The following DNMT3A variants were observed in gnomAD, a reference collection of about 807,000 sequenced individuals.
DNMT3A encodes DNA (cytosine-5)-methyltransferase 3A.
DNMT3A carries 267 observed loss-of-function variants against 117.6 expected under a neutral mutation model. The ratio of observed to expected loss-of-function variants is 2.27; its 90% confidence interval spans 2.05 to 2.51. The LOEUF (loss-of-function observed/expected upper bound fraction) is 2.51, where lower values mean the gene tolerates loss of function less well. DNMT3A is among the 30% of genes most tolerant of loss of function. DNMT3A has a pLI of 0.00. For synonymous variants in DNMT3A, 432 were observed against 474.8 expected (o/e 0.91, Z 1.17); for missense variants, 1,029 against 1,260.2 (o/e 0.82, Z 2.78).
intron 1 of DNMT3A, among the ~76,000 whole-genome samples, chr2:25,326,289 A>T (rs1328969357): frequency 6.6e-6 from 1 of 151,970 alleles, no homozygotes; most frequent in Non-Finnish European, 1.5e-5. Context: ...TGACTTTGAG[A>T]AGTTATTGTA....
intron 1 of DNMT3A, among the ~76,000 whole-genome samples, chr2:25,335,654 C>G (rs956291651): frequency 2.6e-5 from 4 of 152,180 alleles, no homozygotes; most frequent in African/African-American, 9.7e-5. Flanking sequence ...GTAAGAAGAG[C>G]ATTAGACTAG....
chr2:25,312,907 G>A (rs1164035531), intron 2 of DNMT3A, among the ~76,000 whole-genome samples: 1 of 152,142 alleles, frequency 6.6e-6, no homozygotes, highest in Admixed American at 6.5e-5. Context: ...GTGCCCCCAT[G>A]AGCATGCCCA....
intron 6 of DNMT3A, among the ~76,000 whole-genome samples, chr2:25,262,188 CAAAAAAAAA>C (rs533414494): frequency 1.1e-5 from 1 of 93,746 alleles, no homozygotes; most frequent in Non-Finnish European, 2.1e-5. Flanking sequence ...GACTCCGTCT[CAAAAAAAAA>C]AAAAAAAAAA....
intron 6 of DNMT3A, among the ~76,000 whole-genome samples, chr2:25,264,645 G>A (rs1573384251): frequency 6.6e-6 from 1 of 151,720 alleles, no homozygotes; most frequent in East Asian, 1.9e-4. Context: ...TGTATTTTTA[G>A]TAGAGAGGGG....
intron 1 of DNMT3A, among the ~76,000 whole-genome samples, chr2:25,322,838 C>T (rs1489003620): frequency 6.6e-6 from 1 of 152,124 alleles, no homozygotes; most frequent in Non-Finnish European, 1.5e-5. Flanking sequence ...AAACCTAAAT[C>T]CTCACTCCAC....
chr2:25,238,715 C>T (rs578235254), intron 20 of DNMT3A, among the ~76,000 whole-genome samples: 2 of 152,250 alleles, frequency 1.3e-5, no homozygotes, highest in South Asian at 4.1e-4. Context: ...TGCATGCAGC[C>T]GCTGCAAGAT....
chr2:25,264,163 AAGGTCTCGCTCTGTCGCCC>A (rs1451674088), intron 6 of DNMT3A, among the ~76,000 whole-genome samples: 6 of 34,910 alleles, frequency 1.7e-4, no homozygotes, highest in Non-Finnish European at 3.9e-4. Flanking sequence ...TTTTTGAGAC[AAGGTCTCGCTCTGTCGCCC>A]AGGCTGGAGT....
rs1431663821 is a variant in DNMT3A, at chr2:25,311,614, G to C, written c.72+2299C>G. On this transcript the variant is annotated intron_variant, in intron 2 of 22. Coordinates refer to ENST00000321117, the MANE Select transcript of DNMT3A (RefSeq NM_022552.5). This position sits in a 1 kb window ranked among gnomAD's most constrained non-coding sequence, Gnocchi z 5.2. ...GGGATCTAGGGCTGGGTGTGTGTTT[G>C]TTGCCGCTTGAGCCAGAGCAGTTAC... Among the ~76,000 whole-genome samples the C allele has an allele frequency of 6.6e-6, 1 of 152,188 alleles. No individual in the cohort carries two copies. The highest frequency in any genetic ancestry group is 1.5e-5 in the Non-Finnish European group (1 of 68,036).
Position 25,248,202 on chromosome 2 carries a change from GT to G in DNMT3A, c.689del (p.Asn230ThrfsTer86). On this transcript the variant is annotated frameshift_variant, in exon 7 of 23. Transcript: ENST00000321117. LOFTEE classifies it high-confidence loss of function. ...VIAGMNAVEE[N>X]QGPGESQKVE... is the part of the protein sequence containing the mutation. Reference sequence around the variant, plus strand: ...CCTTCTGAGACTCCCCGGGCCCCTGGTTTTCTTCCACAGCATTCATTCCTGC... The same window carrying G: ...CCTTCTGAGACTCCCCGGGCCCCTGGTTTCTTCCACAGCATTCATTCCTGC... 1 of 1,612,872 alleles carries G rather than the reference GT, an allele frequency of 6.2e-7. No individual in the cohort carries two copies. The highest frequency in any genetic ancestry group is 8.5e-7 in the Non-Finnish European group (1 of 1,179,704).
In DNMT3A at chr2:25,252,108, C is replaced by A. The variant is rs1675640194; in HGVS notation, c.640-3856G>T. ...CCGGGGAGGCATACTTCACTCTTTT[C>A]AAACCCGGAGGGCTGCGGAGATCCT... On this transcript the variant is annotated intron_variant, in intron 6 of 22. Coordinates refer to ENST00000321117, the MANE Select transcript of DNMT3A (RefSeq NM_022552.5). This position sits in a 1 kb window ranked among gnomAD's most constrained non-coding sequence, Gnocchi z 5.5. 3 of 1,516,588 alleles carry A rather than the reference C, an allele frequency of 2.0e-6. No individual in the cohort carries two copies. Among genetic ancestry groups the A allele is most frequent in the South Asian group, 1.2e-5 (1 of 81,642 alleles). 93.9% of individuals were successfully genotyped at this position (1,516,588 alleles called of 1,614,324 possible). A position where few individuals can be genotyped will look rare whatever the true frequency, so the allele number is the denominator to read the frequency against.
In DNMT3A at chr2:25,240,364, G is replaced by C. The variant is rs1673843228; in HGVS notation, c.2260C>G (p.Leu754Val). 6.2e-7 allele frequency: 1 copy of C among 1,614,046 alleles called. No individual in the cohort carries two copies. Among genetic ancestry groups the C allele is most frequent in the Non-Finnish European group, 8.5e-7 (1 of 1,180,020 alleles). ...CCCATGGCCACCACATTCTCAAAGA[G>C]CCAGAAGAAGGGGCGATCATCTCCC... The part of the protein sequence containing the change: ...KEGDDRPFFW[L>V]FENVVAMGVS... The change falls in exon 19 of 23, where the codon CTC becomes GTC. Residue 754 changes from leucine to valine, a missense_variant. Leu to Val is a conservative substitution (Grantham distance 32, BLOSUM62 1). Coordinates refer to ENST00000321117, the MANE Select transcript of DNMT3A (RefSeq NM_022552.5).
At chr2:25,268,682 AT>A (rs2030589586) in intron 6 of DNMT3A, among the ~76,000 whole-genome samples, 2 of 152,290 alleles carry the variant, frequency 1.3e-5, no homozygotes, top group South Asian at 4.1e-4. Flanking sequence ...CCTGGTGAGA[AT>A]GGCAGGAATA....
chr2:25,264,419 C>T lies in DNMT3A; in HGVS notation c.639+10522G>A, dbSNP rs182602316. ...CCTCCCACAGTGTTGGGATTACAGGCGTGAGCCACTGTGCTGGGCCAAAGG... is the reference window on the plus strand; with the variant it reads ...CCTCCCACAGTGTTGGGATTACAGGTGTGAGCCACTGTGCTGGGCCAAAGG... On this transcript the variant is annotated intron_variant, in intron 6 of 22. Coordinates refer to ENST00000321117, the MANE Select transcript of DNMT3A (RefSeq NM_022552.5). 6.1e-3 allele frequency among the ~76,000 whole-genome samples: 923 copies of T among 151,712 alleles called. 5 individuals are homozygous for T. Among genetic ancestry groups the T allele is most frequent in the Middle Eastern group, 0.024 (7 of 294 alleles).
chr2:25,238,205 T>C (rs967661207), intron 20 of DNMT3A, among the ~76,000 whole-genome samples: 9 of 152,150 alleles, frequency 5.9e-5, no homozygotes, highest in Non-Finnish European at 1.5e-5. Context: ...ACATGTATCT[T>C]GGGAACTCTC....
intron 2 of DNMT3A, among the ~76,000 whole-genome samples, chr2:25,300,879 C>T (rs2033475649): frequency 6.8e-6 from 1 of 147,958 alleles, no homozygotes; most frequent in Non-Finnish European, 1.5e-5. Context: ...AACACAAGCT[C>T]TGATAAAGGA....
intron 4 of DNMT3A, among the ~76,000 whole-genome samples, chr2:25,277,421 C>T (rs890957889): frequency 1.3e-5 from 2 of 152,074 alleles, no homozygotes; most frequent in African/African-American, 4.8e-5. Context: ...TGCTCGCGAT[C>T]AGGTGGCGGC....
intron 6 of DNMT3A, among the ~76,000 whole-genome samples, chr2:25,262,106 C>T (rs2149345286): frequency 6.7e-6 from 1 of 148,200 alleles, no homozygotes; most frequent in East Asian, 2.0e-4. Flanking sequence ...AGGAGAATCA[C>T]TTGAACCAGG....
At chr2:25,310,727 T>TGA (rs1396586355) in intron 2 of DNMT3A, among the ~76,000 whole-genome samples, 1 of 152,202 alleles carries the variant, frequency 6.6e-6, no homozygotes, top group Non-Finnish European at 1.5e-5. Flanking sequence ...AAAAGGGCCG[T>TGA]GACCCTGCGC....
Position 25,254,064 on chromosome 2 carries a change from T to C in DNMT3A, c.640-5812A>G, listed in dbSNP as rs1573362821. Among the ~76,000 whole-genome samples the C allele has an allele frequency of 7.1e-6, 1 of 141,206 alleles. No individual in the cohort carries two copies. The highest frequency in any genetic ancestry group is 1.5e-5 in the Non-Finnish European group (1 of 66,072). The allele number at this position is 141,206 out of a possible 152,430, so 92.6% of individuals were successfully genotyped here. A position where few individuals can be genotyped will look rare whatever the true frequency, so the allele number is the denominator to read the frequency against. ...TCCAGCCTGGGCAACAGAGCGAGAC[T>C]CCGTCTCAAAAAAAAAAAAAAAAAA... is the stretch of plus-strand genomic sequence containing the variant. On this transcript the variant is annotated intron_variant, in intron 6 of 22. Coordinates refer to ENST00000321117, the MANE Select transcript of DNMT3A (RefSeq NM_022552.5). This position sits in a 1 kb window ranked among gnomAD's most constrained non-coding sequence, Gnocchi z 4.7.
Sources: allele counts gnomAD v4.1 joint callset (sites outside exome capture counted in the v4.1 genomes callset), GRCh38; gene constraint gnomAD v4.1.1; non-coding constraint Gnocchi (gnomAD v3.1); transcripts MANE v1.5; gene names NCBI Gene and HGNC (gene_info 2026-07-23, HGNC 2026-07-21).